The following MAPK10 variants were observed in gnomAD, a reference collection of about 807,000 sequenced individuals.
MAPK10 encodes mitogen-activated protein kinase 10, also known as JNK3 alpha protein kinase.
A neutral mutation model predicts 59.3 loss-of-function variants in MAPK10; 25 were observed. That is an observed-to-expected ratio of 0.42 (90% CI 0.31 to 0.59). The LOEUF (loss-of-function observed/expected upper bound fraction) is 0.59, where lower values mean the gene tolerates loss of function less well. Among genes scored for constraint, MAPK10 ranks in the 20% least tolerant of loss-of-function variants. The pLI is 0.15. For missense variants in MAPK10, 351 were observed against 568.9 expected, an observed-to-expected ratio of 0.62 and a Z score of 3.90; for synonymous variants, 190 against 200.5, an observed-to-expected ratio of 0.95 and a Z score of 0.44.
rs564974023 is a variant in MAPK10, at chr4:86,093,930, A to G, written c.802+4594T>C. 2.5e-3 allele frequency among the ~76,000 whole-genome samples: 380 copies of G among 152,030 alleles called. 1 individual carries two copies. Among genetic ancestry groups the G allele is most frequent in the Non-Finnish European group, 3.6e-3 (242 of 67,850 alleles). ...CATGCAATTTGCTTATAGATTTGAA[A>G]GAATGCCTACTAAATTGTTTCATCC... On this transcript the variant is annotated intron_variant, in intron 9 of 13. Coordinates refer to ENST00000641462, the MANE Select transcript of MAPK10 (RefSeq NM_138982.4).
chr4:86,303,661 T>C (rs1339399411), intron 2 of MAPK10, among the ~76,000 whole-genome samples: 1 of 152,182 alleles, frequency 6.6e-6, no homozygotes, highest in East Asian at 1.9e-4. Context: ...AATAGGAGTT[T>C]TATATGTGGT....
intron 1 of MAPK10, chr4:86,370,751 T>G (rs1366593571): frequency 6.6e-6 from 1 of 152,222 alleles, no homozygotes; most frequent in African/African-American, 2.4e-5. Context: ...ATGGAAACCT[T>G]AGTCTCAGTT....
intron 3 of MAPK10, among the ~76,000 whole-genome samples, chr4:86,181,322 C>T (rs1294870352): frequency 6.6e-6 from 1 of 151,998 alleles, no homozygotes; most frequent in Non-Finnish European, 1.5e-5. Flanking sequence ...TTAGCTCAGT[C>T]CCTTTTACTT....
At chr4:86,190,005 CAT>C (rs1294710045) in intron 3 of MAPK10, among the ~76,000 whole-genome samples, 6 of 152,232 alleles carry the variant, frequency 3.9e-5, no homozygotes, top group East Asian at 3.9e-4. Flanking sequence ...TTGAGATAAA[CAT>C]GTGGTTTTTG....
rs540860522 is a variant in MAPK10 at position 86,420,665 on chromosome 4, T to C, written c.-122+32365A>G. Among the ~76,000 whole-genome samples, 10 of 152,236 alleles carry C rather than the reference T, an allele frequency of 6.6e-5. No individual in the cohort carries two copies. The South Asian group carries it at 2.1e-3, about 32-fold the overall frequency. ...TTACCCAGGCATGGTAGCATACATC[T>C]GTAGTCCCAGCTACTCAGGGGGCTG... On this transcript the variant is annotated intron_variant, in intron 1 of 13. Transcript: ENST00000361569.
At chr4:86,270,336 C>G (rs1272032245) in intron 2 of MAPK10, among the ~76,000 whole-genome samples, 3 of 151,352 alleles carry the variant, frequency 2.0e-5, no homozygotes, top group Non-Finnish European at 4.4e-5. Flanking sequence ...AAACAGGAAA[C>G]AGTGAAGAAA....
chr4:86,307,054 G>A (rs1395315827), intron 2 of MAPK10, among the ~76,000 whole-genome samples: 2 of 152,022 alleles, frequency 1.3e-5, no homozygotes, highest in Non-Finnish European at 2.9e-5. Flanking sequence ...AGTAAATGAA[G>A]CATAACTAGG....
intron 11 of MAPK10, among the ~76,000 whole-genome samples, chr4:86,058,015 A>C (rs1214328460): frequency 6.7e-6 from 1 of 149,916 alleles, no homozygotes; most frequent in African/African-American, 2.5e-5. Context: ...TCAACACATA[A>C]AAGGAAGGAA....
chr4:86,208,053 C>A (rs1192152458), intron 2 of MAPK10, among the ~76,000 whole-genome samples: 5 of 152,096 alleles, frequency 3.3e-5, no homozygotes, highest in Non-Finnish European at 7.4e-5. Flanking sequence ...GAAGTTGAAT[C>A]TCTGAATAGA....
chr4:86,064,910 A>T (rs1340906186), intron 10 of MAPK10: 1 of 152,306 alleles, frequency 6.6e-6, no homozygotes, highest in Non-Finnish European at 1.5e-5. Context: ...TTATTTATTT[A>T]TTTATTTATT....
chr4:86,017,262 T>C lies in MAPK10; in HGVS notation c.1361A>G (p.Glu454Gly), dbSNP rs1231843434. ...ACAACCCAGGGGTCCTGCCGAGGCT[T>C]CCAGGCTGCTGTCAGTGTCAGATGC... ...TLASDTDSSLEASAGPLGCCR is the reference protein window; with the variant it reads ...TLASDTDSSLGASAGPLGCCR The change falls in exon 14 of 14, where the codon GAA becomes GGA. Residue 454 changes from glutamate (E) to glycine (G), a missense_variant. By Grantham distance (98) the Glu-to-Gly change is moderately conservative. Around this residue, in one of 5 missense-constraint regions of MAPK10, gnomAD observed 155 missense variants for 204.2 expected, o/e 0.76. Coordinates refer to ENST00000641462, the MANE Select transcript of MAPK10 (RefSeq NM_138982.4). The surrounding 1 kb of genome is among the most constrained non-coding windows in gnomAD (Gnocchi z 4.4). 6.2e-7 allele frequency: 1 copy of C among 1,614,158 alleles called. No individual in the cohort carries two copies. Among genetic ancestry groups the C allele is most frequent in the Non-Finnish European group, 8.5e-7 (1 of 1,180,016 alleles).
chr4:86,382,175 T>G (rs764748704), intron 1 of MAPK10, among the ~76,000 whole-genome samples: 1 of 151,816 alleles, frequency 6.6e-6, no homozygotes, highest in Admixed American at 6.6e-5. Flanking sequence ...AACCCCTAGG[T>G]GAGGACCACT....
intron 1 of MAPK10, among the ~76,000 whole-genome samples, chr4:86,592,402 A>G (rs1034448995): frequency 6.6e-6 from 1 of 152,216 alleles, no homozygotes; most frequent in Non-Finnish European, 1.5e-5. Context: ...AAAGCTAACA[A>G]CACTGTGGTT....
chr4:86,274,825 C>A (rs888532269), intron 2 of MAPK10, among the ~76,000 whole-genome samples: 4 of 151,968 alleles, frequency 2.6e-5, no homozygotes, highest in Non-Finnish European at 4.4e-5. Flanking sequence ...ATTACAGTCA[C>A]CTCACAGCCA....
Position 86,159,281 on chromosome 4 carries a change from A to C in MAPK10, c.236+17T>G. The C allele has an allele frequency of 6.3e-7, 1 of 1,580,320 alleles. No individual in the cohort carries two copies. The highest frequency in any genetic ancestry group is 2.3e-5 in the East Asian group (1 of 43,794). ...GGTGTGTTCCCTTTAAAAATACAGC[A>C]AATCCATTCCGCTTACCAAACTATG... On this transcript the variant is annotated intron_variant, in intron 4 of 13. Coordinates refer to ENST00000641462, the MANE Select transcript of MAPK10 (RefSeq NM_138982.4).
chr4:86,040,722 C>T (rs1041958477), intron 11 of MAPK10, among the ~76,000 whole-genome samples: 3 of 151,916 alleles, frequency 2.0e-5, no homozygotes, highest in East Asian at 1.9e-4. Context: ...CCTAAAGGCA[C>T]CAAGAGAAAA....
At chr4:86,420,847 C>T (rs552122950) in intron 1 of MAPK10, among the ~76,000 whole-genome samples, 14 of 151,780 alleles carry the variant, frequency 9.2e-5, no homozygotes, top group South Asian at 8.3e-4. Context: ...TTTGGGAGGC[C>T]GAGGCTGGTG....
At chr4:86,261,373 C>G (rs2093973596) in intron 2 of MAPK10, among the ~76,000 whole-genome samples, 1 of 152,138 alleles carries the variant, frequency 6.6e-6, no homozygotes. Context: ...TATGCCAAAC[C>G]CTACCCAAGT....
intron 2 of MAPK10, among the ~76,000 whole-genome samples, chr4:86,218,769 G>C (rs1408630915): frequency 6.6e-6 from 1 of 152,148 alleles, no homozygotes; most frequent in African/African-American, 2.4e-5. Context: ...TCCCTTAAGT[G>C]ATATGGAAAA....
Sources: allele counts gnomAD v4.1 joint callset (sites outside exome capture counted in the v4.1 genomes callset), GRCh38; gene constraint gnomAD v4.1.1; regional missense constraint gnomAD v4.1.1; non-coding constraint Gnocchi (gnomAD v3.1); transcripts MANE v1.5; gene names NCBI Gene and HGNC (gene_info 2026-07-23, HGNC 2026-07-21).